Variants in HERC6 observed in about 807,000 individuals in gnomAD.
HERC6 encodes the protein HECT and RLD domain containing E3 ubiquitin protein ligase family member 6, also known as probable E3 ubiquitin-protein ligase HERC6.
Under a neutral mutation model 114.5 loss-of-function variants are expected in HERC6, and 101 were observed. The observed-to-expected ratio is 0.88, with a 90% CI of 0.75 to 1.04. HERC6 has a LOEUF of 1.04. Ranked by LOEUF, HERC6 falls within the 50% of genes least tolerant of loss-of-function variation. The pLI is 0.00. For synonymous variants in HERC6, 408 were observed against 436.2 expected, an observed-to-expected ratio of 0.94 and a Z score of 0.81; for missense variants, 1,133 against 1,230.9, an observed-to-expected ratio of 0.92 and a Z score of 1.19.
chr4:88,403,083 G>A (rs1463844262), intron 8 of HERC6, among the ~76,000 whole-genome samples: 1 of 152,194 alleles, frequency 6.6e-6, no homozygotes, highest in East Asian at 1.9e-4. Context: ...GGACTGTATT[G>A]AAAATGGATT....
rs749285089 is a variant in HERC6 at position 88,383,320 on chromosome 4, G to A, written c.299G>A (p.Gly100Glu). 2 of 1,568,610 alleles carry A rather than the reference G, an allele frequency of 1.3e-6. No individual in the cohort carries two copies. The highest frequency in any genetic ancestry group is 2.3e-5 in the East Asian group (1 of 43,512). The part of the protein sequence containing the change: ...VCHKGRVFAW[G>E]AGSEGQLGIG... ...CACAAAGGAAGGGTCTTCGCATGGG[G>A]AGCTGGTTCTGAAGGGCAGCTGGGG... The change falls in exon 2 of 23, where the codon GGA (glycine) becomes GAA (glutamate). Residue 100 changes from glycine (G) to glutamate (E), a missense_variant. Around this residue, in one of 3 missense-constraint regions of HERC6, gnomAD observed 735 missense variants for 754.0 expected, o/e 0.97. Coordinates refer to ENST00000264346, the MANE Select transcript of HERC6 (RefSeq NM_017912.4).
At chr4:88,433,100 T>C (rs1419521822) in intron 17 of HERC6, among the ~76,000 whole-genome samples, 1 of 152,020 alleles carries the variant, frequency 6.6e-6, no homozygotes, top group Non-Finnish European at 1.5e-5. Context: ...AAAAGAAAAG[T>C]AACAAAAAAA....
chr4:88,390,933 G>A (rs1488662575), intron 4 of HERC6, 54 bp downstream of exon 4: 1 of 1,467,816 alleles, frequency 6.8e-7, no homozygotes, highest in Non-Finnish European at 9.2e-7. Flanking sequence ...CCAGGTGGAA[G>A]ACCAACTTGG....
rs777432058 is a variant in HERC6 at position 88,378,964 on chromosome 4, C to T, written c.43C>T (p.Arg15Trp). The stretch of plus-strand genomic sequence containing the variant: ...CGCCGACTCCAGGGAGCTGCAGCGC[C>T]GGAGGACGGCGGGCAGCCCCGGGGC... ...WGADSRELQR[R>W]RTAGSPGAEL... The change falls in exon 1 of 23, where the codon CGG becomes TGG. Residue 15 changes from arginine to tryptophan, a missense_variant. Arg to Trp is a moderately radical substitution (Grantham distance 101). Coordinates refer to ENST00000264346, the MANE Select transcript of HERC6 (RefSeq NM_017912.4). The T allele has an allele frequency of 8.2e-6, 13 of 1,591,546 alleles. No individual in the cohort carries two copies. Among genetic ancestry groups the T allele is most frequent in the East Asian group, 6.8e-5 (3 of 43,862 alleles).
At chr4:88,381,905 A>G (rs1246627791) in intron 1 of HERC6, among the ~76,000 whole-genome samples, 1 of 152,060 alleles carries the variant, frequency 6.6e-6, no homozygotes, top group Non-Finnish European at 1.5e-5. Context: ...AAGGATATTT[A>G]TGACCTACTT....
chr4:88,430,118 C>G (rs964974988), intron 16 of HERC6, among the ~76,000 whole-genome samples: 7 of 152,012 alleles, frequency 4.6e-5, no homozygotes, highest in Non-Finnish European at 7.4e-5. Flanking sequence ...TAAGATTACC[C>G]AGGCAAAGAG....
At chr4:88,386,355 G>A (rs192926166) in intron 3 of HERC6, among the ~76,000 whole-genome samples, 2,469 of 151,916 alleles carry the variant, frequency 0.016, 37 homozygotes, top group Non-Finnish European at 0.023. Context: ...ACAGGTGTGC[G>A]CCACCATGCC....
In HERC6 at chr4:88,397,998, A is replaced by G. The variant is rs1735335388; in HGVS notation, c.1025-144A>G. On this transcript the variant is annotated intron_variant, in intron 7 of 22. Transcript: ENST00000264346. ...ATGATGGGAGGGAAAAAAAGAAAAA[A>G]ATTAATCTTTTATGCATTTGTAGTC... is the stretch of plus-strand genomic sequence containing the variant. 2.9e-5 allele frequency: 16 copies of G among 553,006 alleles called. No individual in the cohort carries two copies. The South Asian group carries it at 3.9e-4, about 14-fold the overall frequency. 34.3% of individuals were successfully genotyped at this position (553,006 alleles called of 1,614,324 possible).
At chr4:88,437,059 C>CGTT in intron 19 of HERC6, 88 bp downstream of exon 19, 1 of 1,011,706 alleles carries the variant, frequency 9.9e-7, no homozygotes, top group Non-Finnish European at 1.4e-6. Context: ...ATTTGGGATC[C>CGTT]CTTTTTTTTT....
At chr4:88,415,326 G>A (rs1468555946) in intron 12 of HERC6, among the ~76,000 whole-genome samples, 1 of 152,092 alleles carries the variant, frequency 6.6e-6, no homozygotes, top group Non-Finnish European at 1.5e-5. Context: ...GCATTTCATT[G>A]TACATATATA....
At chr4:88,389,614 C>T (rs1233275146) in intron 3 of HERC6, among the ~76,000 whole-genome samples, 1 of 152,012 alleles carries the variant, frequency 6.6e-6, no homozygotes, top group Non-Finnish European at 1.5e-5. Flanking sequence ...CACAGCTGCC[C>T]TTAACTGGAG....
chr4:88,424,022 A>G (rs998490444), intron 14 of HERC6, 49 bp downstream of exon 14: 1 of 901,538 alleles, frequency 1.1e-6, no homozygotes, highest in Non-Finnish European at 1.7e-6. Flanking sequence ...TTAAAGGAAG[A>G]CACATTACTG....
At chr4:88,391,040 C>A (rs961874169) in intron 4 of HERC6, among the ~76,000 whole-genome samples, 161 bp downstream of exon 4, 1 of 152,312 alleles carries the variant, frequency 6.6e-6, no homozygotes, top group East Asian at 1.9e-4. Context: ...GTAGCGGTAA[C>A]AAATCATCTC....
At chr4:88,398,658 CA>C (rs1170109192) in intron 8 of HERC6, 1 of 152,648 alleles carries the variant, frequency 6.6e-6, no homozygotes, top group Non-Finnish European at 1.5e-5. Flanking sequence ...GTGTGTGTAG[CA>C]GGGGTGGCAT....
intron 10 of HERC6, 34 bp from the exon 11 acceptor site, chr4:88,408,490 T>A (rs1209905572): frequency 1.5e-6 from 2 of 1,294,984 alleles, no homozygotes; most frequent in Admixed American, 3.8e-5. Flanking sequence ...TTTCCTTATG[T>A]TTATGTGGTT....
At chr4:88,386,299 G>T (rs1734579286) in intron 3 of HERC6, among the ~76,000 whole-genome samples, 1 of 150,502 alleles carries the variant, frequency 6.6e-6, no homozygotes, top group Non-Finnish European at 1.5e-5. Context: ...TCCACCTCCT[G>T]GGTTCAGGCG....
Position 88,393,544 on chromosome 4 carries a change from A to G in HERC6, c.721A>G (p.Ile241Val), listed in dbSNP as rs760849533. Residue 241 changes from isoleucine (I) to valine (V), a missense_variant, in exon 5 of 23, where the codon ATC becomes GTC. Ile to Val is a conservative substitution (Grantham distance 29). Around this residue, in one of 3 missense-constraint regions of HERC6, gnomAD observed 735 missense variants for 754.0 expected, o/e 0.97. Coordinates refer to ENST00000264346, the MANE Select transcript of HERC6 (RefSeq NM_017912.4). ...ACTGAAGAATCTAGGTGTGGTTTAT[A>G]TCAGCTGTGGTGATGCACACACTGC... ...GALKNLGVVY[I>V]SCGDAHTAVL... 1.2e-6 allele frequency: 2 copies of G among 1,612,894 alleles called. No homozygotes were observed. The highest frequency in any genetic ancestry group is 1.1e-5 in the South Asian group (1 of 90,858).
chr4:88,402,242 A>G (rs1289998186), intron 8 of HERC6, among the ~76,000 whole-genome samples: 1 of 152,246 alleles, frequency 6.6e-6, no homozygotes, highest in East Asian at 1.9e-4. Flanking sequence ...ATTGATAATT[A>G]TAACATCCAG....
At chr4:88,394,556 ATTT>A (rs991479295) in intron 5 of HERC6, among the ~76,000 whole-genome samples, 2 of 144,024 alleles carry the variant, frequency 1.4e-5, no homozygotes, top group African/African-American at 2.7e-5. Flanking sequence ...TATTATTATT[ATTT>A]TTTGAGACAG....
Sources: allele counts gnomAD v4.1 joint callset (sites outside exome capture counted in the v4.1 genomes callset), GRCh38; gene constraint gnomAD v4.1.1; regional missense constraint gnomAD v4.1.1; transcripts MANE v1.5; gene names NCBI Gene and HGNC (gene_info 2026-07-23, HGNC 2026-07-21).